ENTREP3: variants seen among roughly 807,000 people sequenced by gnomAD.
The protein encoded by ENTREP3 is endosomal transmembrane epsin interactor 3.
chr1:155,255,262 T>C, the ENTREP3 span: 1 of 304,992 alleles, frequency 3.3e-6, no homozygotes, highest in African/African-American at 2.2e-5. This position sits in a 1 kb window ranked among gnomAD's most constrained non-coding sequence, Gnocchi z 5.6. Context: ...GCGGGAAGGA[T>C]GGAAATAAGT....
At chr1:155,252,680 A>ATT in the ENTREP3 span, 32 of 60,264 alleles carry the variant, frequency 5.3e-4, no homozygotes, top group East Asian at 3.3e-3. Flanking sequence ...TAATTTTTGT[A>ATT]ATTTTGTGTG....
the ENTREP3 span, chr1:155,255,149 G>T: frequency 3.5e-6 from 2 of 572,338 alleles, no homozygotes; most frequent in South Asian, 4.1e-5. This position sits in a 1 kb window ranked among gnomAD's most constrained non-coding sequence, Gnocchi z 5.6. Flanking sequence ...GGGGGCACCG[G>T]CTCATCGCAT....
the ENTREP3 span, chr1:155,247,413 A>C: frequency 1.9e-6 from 1 of 527,900 alleles, no homozygotes; most frequent in Middle Eastern, 2.9e-4. Flanking sequence ...CCCATTGCAT[A>C]GGCACACGTC....
chr1:155,253,736 G>A, the ENTREP3 span: 1 of 1,609,138 alleles, frequency 6.2e-7, no homozygotes, highest in Non-Finnish European at 8.5e-7. Flanking sequence ...GCAGGTTCTG[G>A]GGAAGGGAAA....
At chr1:155,255,234 G>T in the ENTREP3 span, 3 of 378,176 alleles carry the variant, frequency 7.9e-6, no homozygotes, top group Non-Finnish European at 1.5e-5. The surrounding 1 kb of genome is among the most constrained non-coding windows in gnomAD (Gnocchi z 5.6). Context: ...AGCCCAGGGA[G>T]GGGTGGGGAG....
chr1:155,247,843 T>C, the ENTREP3 span: 2 of 1,494,418 alleles, frequency 1.3e-6, no homozygotes, highest in Non-Finnish European at 1.8e-6. Flanking sequence ...GGTACCACGC[T>C]CCAGCCTGCG....
the ENTREP3 span, chr1:155,248,534 C>T: frequency 8.1e-6 from 12 of 1,483,374 alleles, no homozygotes; most frequent in Admixed American, 6.8e-5. Flanking sequence ...GACACGCCCA[C>T]CCTCCTGTGG....
chr1:155,254,169 A>G, the ENTREP3 span: 1 of 1,613,992 alleles, frequency 6.2e-7, no homozygotes, highest in Non-Finnish European at 8.5e-7. This position sits in a 1 kb window ranked among gnomAD's most constrained non-coding sequence, Gnocchi z 4.4. Flanking sequence ...GACACAGAGC[A>G]CCGAAAGCAA....
the ENTREP3 span, chr1:155,251,370 C>T: frequency 1.4e-6 from 1 of 739,442 alleles, no homozygotes; most frequent in Non-Finnish European, 2.3e-6. Flanking sequence ...AGATCAAAGG[C>T]AACAGTGGGC....
At chr1:155,253,521 G>A in the ENTREP3 span, 5 of 723,922 alleles carry the variant, frequency 6.9e-6, no homozygotes, top group Middle Eastern at 6.2e-4. Context: ...AGCCCCTGGT[G>A]CTCAAAAGCC....
the ENTREP3 span, chr1:155,255,291 G>T: frequency 4.3e-6 from 1 of 231,992 alleles, no homozygotes. This position sits in a 1 kb window ranked among gnomAD's most constrained non-coding sequence, Gnocchi z 5.6. Flanking sequence ...GAGGGGAGGG[G>T]TCGGCGTGGG....
chr1:155,254,205 C>T, the ENTREP3 span: 1 of 1,605,864 alleles, frequency 6.2e-7, no homozygotes, highest in Admixed American at 1.7e-5. The surrounding 1 kb of genome is among the most constrained non-coding windows in gnomAD (Gnocchi z 4.4). Flanking sequence ...CTGGGGAAAA[C>T]AGGGTGCAGA....
chr1:155,251,130 G>A, the ENTREP3 span: 17 of 1,612,214 alleles, frequency 1.1e-5, no homozygotes, highest in Admixed American at 3.3e-5. Flanking sequence ...ACAGATGCAC[G>A]AGCCATCGTG....
At chr1:155,253,707 A>G in the ENTREP3 span, 2 of 1,610,084 alleles carry the variant, frequency 1.2e-6, no homozygotes, top group African/African-American at 2.7e-5. Flanking sequence ...ACAAATGGTG[A>G]GCCCACAGAC....
At chr1:155,254,226 G>T in the ENTREP3 span, 1 of 1,562,780 alleles carries the variant, frequency 6.4e-7, no homozygotes, top group Non-Finnish European at 8.8e-7. The surrounding 1 kb of genome is among the most constrained non-coding windows in gnomAD (Gnocchi z 4.4). Context: ...CTCAGGGCTG[G>T]GACCCTCATG....
At chr1:155,250,881 C>T in the ENTREP3 span, 2 of 1,493,940 alleles carry the variant, frequency 1.3e-6, no homozygotes, top group Non-Finnish European at 1.8e-6. The surrounding 1 kb of genome is among the most constrained non-coding windows in gnomAD (Gnocchi z 5.4). Context: ...CCTGCCCAGG[C>T]AGTTCCTCTT....
At chr1:155,253,730 G>A in the ENTREP3 span, 1 of 1,609,058 alleles carries the variant, frequency 6.2e-7, no homozygotes, top group Non-Finnish European at 8.5e-7. Context: ...TGAAGAGCAG[G>A]TTCTGGGGAA....
the ENTREP3 span, chr1:155,251,674 C>T: frequency 6.2e-7 from 1 of 1,606,724 alleles, no homozygotes; most frequent in East Asian, 2.2e-5. Flanking sequence ...CTCCAGCAAT[C>T]CAGGCCCAGC....
the ENTREP3 span, chr1:155,247,875 G>C: frequency 6.5e-7 from 1 of 1,547,588 alleles, no homozygotes; most frequent in Non-Finnish European, 8.7e-7. Flanking sequence ...GACGCCGCAG[G>C]GAAGAGCTAG....
Sources: allele counts gnomAD v4.1 joint callset, GRCh38; gene constraint gnomAD v4.1.1; non-coding constraint Gnocchi (gnomAD v3.1); transcripts MANE v1.5; gene names NCBI Gene and HGNC (gene_info 2026-07-23, HGNC 2026-07-21).